The following LRRTM4 variants were observed in gnomAD, a reference collection of about 807,000 sequenced individuals.
LRRTM4 encodes leucine rich repeat transmembrane neuronal 4, also known as leucine-rich repeat transmembrane neuronal protein 4.
LRRTM4 carries 25 observed loss-of-function variants against 47.6 expected under a neutral mutation model. That is an observed-to-expected ratio of 0.53 (90% CI 0.38 to 0.73). The LOEUF is 0.73. Ranked by LOEUF, LRRTM4 falls within the 30% of genes least tolerant of loss-of-function variation. LRRTM4 has a pLI of 0.00. For missense variants in LRRTM4, 638 were observed against 713.4 expected (o/e 0.89, Z 1.20); for synonymous variants, 311 against 269.5 (o/e 1.15, Z -1.51).
intron 3 of LRRTM4, among the ~76,000 whole-genome samples, chr2:77,206,456 A>G (rs1029380352): frequency 5.9e-5 from 9 of 151,934 alleles, no homozygotes; most frequent in African/African-American, 2.2e-4. Flanking sequence ...AAGTGCTGGG[A>G]TTACAGATGT....
chr2:76,972,853 C>T (rs1489972434), intron 3 of LRRTM4, among the ~76,000 whole-genome samples: 1 of 151,908 alleles, frequency 6.6e-6, no homozygotes, highest in Non-Finnish European at 1.5e-5. Context: ...ATTATGTCAC[C>T]TTTCACTAAG....
rs1288408606 is a variant in LRRTM4, at chr2:77,362,134, AAAGAAAG to A, written c.1551+156177_1551+156183del. On this transcript the variant is annotated intron_variant, in intron 3 of 3. Transcript: ENST00000409884. ...GAAAGAGAGAAAGAAAGAAAGAAAG[AAAGAAAG>A]AAAGAAAGAAAGAAAGAAAGAAAGA... Among the ~76,000 whole-genome samples, 255 of 113,978 alleles carry A rather than the reference AAAGAAAG, an allele frequency of 2.2e-3. 2 individuals are homozygous for A. Among genetic ancestry groups the A allele is most frequent in the East Asian group, 0.019 (73 of 3,894 alleles). The allele number at this position is 113,978 out of a possible 152,430, so 74.8% of individuals were successfully genotyped here.
intron 3 of LRRTM4, among the ~76,000 whole-genome samples, chr2:76,903,860 G>A (rs1165925196): frequency 1.3e-5 from 2 of 151,986 alleles, no homozygotes; most frequent in African/African-American, 2.4e-5. Flanking sequence ...TCTCAATTAT[G>A]TATATTTTTT....
intron 3 of LRRTM4, among the ~76,000 whole-genome samples, chr2:76,879,452 C>T (rs1672867889): frequency 6.6e-6 from 1 of 152,218 alleles, no homozygotes; most frequent in African/African-American, 2.4e-5. Flanking sequence ...GACAGAACAT[C>T]TGTTTACAGC....
rs185013070 is a variant in LRRTM4 at position 76,952,577 on chromosome 2, A to C, written c.1552-203661T>G. ...AGTTTGTACAAAAAGGGGAACACTT[A>C]TACACTGTTTGTGGAAATGTAAATT... On this transcript the variant is annotated intron_variant, in intron 3 of 3. Coordinates refer to ENST00000409884, the MANE Select transcript of LRRTM4 (RefSeq NM_001134745.3). Among the ~76,000 whole-genome samples the C allele has an allele frequency of 1.2e-4, 19 of 152,110 alleles. No homozygotes were observed. The East Asian group carries it at 2.7e-3, about 22-fold the overall frequency.
chr2:76,809,887 A>T (rs918143645), intron 3 of LRRTM4, among the ~76,000 whole-genome samples: 1 of 152,100 alleles, frequency 6.6e-6, no homozygotes, highest in Non-Finnish European at 1.5e-5. Flanking sequence ...ACCTTTCCCA[A>T]GATAGCTTCA....
chr2:76,967,166 T>C (rs969513860), intron 3 of LRRTM4, among the ~76,000 whole-genome samples: 16 of 151,188 alleles, frequency 1.1e-4, no homozygotes, highest in African/African-American at 3.9e-4. Context: ...GCTTTTTTTT[T>C]TTTTTTTATT....
intron 3 of LRRTM4, among the ~76,000 whole-genome samples, chr2:77,053,206 G>A (rs370702512): frequency 6.6e-6 from 1 of 152,150 alleles, no homozygotes; most frequent in Non-Finnish European, 1.5e-5. Context: ...AATTTTACTT[G>A]CATTTGTAGA....
chr2:76,805,904 G>C (rs1329290380), intron 3 of LRRTM4, among the ~76,000 whole-genome samples: 2 of 152,052 alleles, frequency 1.3e-5, no homozygotes, highest in Admixed American at 6.5e-5. Flanking sequence ...TTAGGCACAA[G>C]CTCTAATAAA....
chr2:77,418,581 T>C (rs1420416114), intron 3 of LRRTM4, among the ~76,000 whole-genome samples: 1 of 152,182 alleles, frequency 6.6e-6, no homozygotes, highest in Non-Finnish European at 1.5e-5. Context: ...AAAATCCTCT[T>C]AGGCCTATTT....
intron 3 of LRRTM4, among the ~76,000 whole-genome samples, chr2:76,840,429 A>C (rs1671638161): frequency 6.6e-6 from 1 of 152,196 alleles, no homozygotes; most frequent in Non-Finnish European, 1.5e-5. Context: ...GGCACCCAAC[A>C]GGTGTTTAAG....
At chr2:77,173,057 T>TGG (rs1241723753) in intron 3 of LRRTM4, among the ~76,000 whole-genome samples, 2 of 152,180 alleles carry the variant, frequency 1.3e-5, no homozygotes, top group Non-Finnish European at 2.9e-5. Context: ...ATGGGCATGA[T>TGG]GGACAAGTTG....
chr2:77,262,418 T>G (rs1675941124), intron 3 of LRRTM4, among the ~76,000 whole-genome samples: 1 of 152,058 alleles, frequency 6.6e-6, no homozygotes, highest in African/African-American at 2.4e-5. Context: ...CACATTAGTA[T>G]GGTACATTTG....
At chr2:77,029,234 G>T (rs143756423) in intron 3 of LRRTM4, among the ~76,000 whole-genome samples, 78 of 151,964 alleles carry the variant, frequency 5.1e-4, no homozygotes, top group African/African-American at 1.8e-3. Flanking sequence ...ATGTATATAT[G>T]AATGGGAGTT....
At position 77,107,521 on chromosome 2, in the gene LRRTM4, T is replaced by G. The variant is rs561648232; in HGVS notation, c.1552-358605A>C. The stretch of plus-strand genomic sequence containing the variant: ...GTGACCACATTGAACATATAGCAAG[T>G]GATTAAAAATAACTAGGCCGGGCAT... On this transcript the variant is annotated intron_variant, in intron 3 of 3. Transcript: ENST00000409884. Among the ~76,000 whole-genome samples, 3 of 152,002 alleles carry G rather than the reference T, an allele frequency of 2.0e-5. No individual in the cohort carries two copies. In the South Asian group the frequency reaches 6.2e-4, roughly 32 times the overall value.
rs373747371 is a variant in LRRTM4, at chr2:77,489,195, G to T, written c.1551+29123C>A. Among the ~76,000 whole-genome samples, 25 of 152,026 alleles carry T rather than the reference G, an allele frequency of 1.6e-4. 1 individual carries two copies. The highest frequency in any genetic ancestry group is 5.5e-4 in the African/African-American group (23 of 41,478). Reference sequence around the variant, plus strand: ...CGTTTACTTCTGATATCTTCAAATTGCCTCTTGTCCAGAAGACTATAATCT... The same window carrying T: ...CGTTTACTTCTGATATCTTCAAATTTCCTCTTGTCCAGAAGACTATAATCT... On this transcript the variant is annotated intron_variant, in intron 3 of 3. Transcript: ENST00000409884.
chr2:77,026,254 G>T (rs1003685548), intron 3 of LRRTM4, among the ~76,000 whole-genome samples: 1 of 152,030 alleles, frequency 6.6e-6, no homozygotes, highest in African/African-American at 2.4e-5. Context: ...CACTTTACAT[G>T]CATCATGTCA....
At chr2:77,228,539 G>A (rs879692816) in intron 3 of LRRTM4, among the ~76,000 whole-genome samples, 2 of 152,114 alleles carry the variant, frequency 1.3e-5, no homozygotes, top group African/African-American at 4.8e-5. Flanking sequence ...TTCCAACCAT[G>A]TCTCCTCATG....
chr2:77,477,910 A>AG (rs1200805693), intron 3 of LRRTM4, among the ~76,000 whole-genome samples: 1 of 30,018 alleles, frequency 3.3e-5, no homozygotes, highest in Non-Finnish European at 8.4e-5. Context: ...AGAAAAAGAA[A>AG]GAAAGAAAGA....
Sources: gnomAD v4.1 joint callset for allele counts (sites outside exome capture counted in the v4.1 genomes callset) on GRCh38, gnomAD v4.1.1 for gene constraint, MANE v1.5 for transcripts, NCBI Gene and HGNC (gene_info 2026-07-23, HGNC 2026-07-21) for gene names.